Variants in TRDN observed in about 807,000 individuals in gnomAD.
The protein encoded by TRDN is triadin in skeletal muscle.
Under a neutral mutation model 149.7 loss-of-function variants are expected in TRDN, and 161 were observed. That is an observed-to-expected ratio of 1.08 (90% CI 0.95 to 1.23). The LOEUF (loss-of-function observed/expected upper bound fraction) is 1.23. Ranked by LOEUF, TRDN falls within the 50% of genes most tolerant of loss-of-function variation. The probability of loss-of-function intolerance (pLI) is 0.00; values close to 1 mark genes in which losing one functional copy is unlikely to be tolerated. For synonymous variants in TRDN, 294 were observed against 250.5 expected (o/e 1.17, Z -1.64); for missense variants, 896 against 823.5 (o/e 1.09, Z -1.08).
Position 123,268,720 on chromosome 6 carries a change from G to A in TRDN, c.1739-969C>T, listed in dbSNP as rs190567141. 7.9e-5 allele frequency among the ~76,000 whole-genome samples: 12 copies of A among 152,036 alleles called. No homozygotes were observed. The East Asian group carries it at 1.4e-3, about 17-fold the overall frequency. On this transcript the variant is annotated intron_variant, in intron 31 of 40. Transcript: ENST00000334268. ...GTGTCATCAGACTAAACAGATATTC[G>A]TACATTAGGAACTGATAGCATTCAA...
intron 24 of TRDN, among the ~76,000 whole-genome samples, chr6:123,307,772 CTTT>C (rs1252961762): frequency 6.6e-6 from 1 of 151,934 alleles, no homozygotes; most frequent in African/African-American, 2.4e-5. Context: ...TCTGGTAACA[CTTT>C]TTTTCTCTTC....
intron 4 of TRDN, among the ~76,000 whole-genome samples, chr6:123,542,566 T>C (rs747748878): frequency 1.8e-4 from 27 of 152,198 alleles, no homozygotes; most frequent in Non-Finnish European, 2.9e-4. Flanking sequence ...TTATTATTCT[T>C]ATATACAGAT....
At chr6:123,427,759 T>A (rs1454315403) in intron 12 of TRDN, among the ~76,000 whole-genome samples, 1 of 152,190 alleles carries the variant, frequency 6.6e-6, no homozygotes, top group Non-Finnish European at 1.5e-5. Context: ...CTCCTGAATA[T>A]AATCTGGTTT....
chr6:123,428,355 C>T (rs1300901865), intron 12 of TRDN, among the ~76,000 whole-genome samples: 8 of 152,164 alleles, frequency 5.3e-5, no homozygotes, highest in Non-Finnish European at 8.8e-5. Flanking sequence ...TACCCGCTTT[C>T]CCAAGTCCCT....
intron 13 of TRDN, among the ~76,000 whole-genome samples, chr6:123,389,183 C>T (rs1056572605): frequency 3.3e-5 from 5 of 152,120 alleles, no homozygotes; most frequent in African/African-American, 1.2e-4. Context: ...TCTGGATCCA[C>T]GTTGTTGCTT....
At chr6:123,472,672 A>C (rs1296825341) in intron 9 of TRDN, among the ~76,000 whole-genome samples, 2 of 152,238 alleles carry the variant, frequency 1.3e-5, no homozygotes. Flanking sequence ...CTGCAGACTT[A>C]AATGTCCCTG....
intron 24 of TRDN, among the ~76,000 whole-genome samples, chr6:123,311,614 A>C (rs1034624920): frequency 2.0e-5 from 3 of 151,980 alleles, no homozygotes; most frequent in Admixed American, 6.6e-5. Flanking sequence ...TTCAGTCTCT[A>C]GATCAGTAGG....
intron 4 of TRDN, among the ~76,000 whole-genome samples, chr6:123,546,928 T>C (rs1353849051): frequency 5.3e-5 from 8 of 151,932 alleles, no homozygotes; most frequent in Non-Finnish European, 8.8e-5. Context: ...AGTCATCACC[T>C]AACATGCAAA....
At chr6:123,558,776 A>G (rs1037073238) in intron 2 of TRDN, among the ~76,000 whole-genome samples, 4 of 152,142 alleles carry the variant, frequency 2.6e-5, no homozygotes, top group African/African-American at 9.6e-5. Context: ...CCAAGTAGCA[A>G]TGTATTTCTG....
chr6:123,464,952 C>A lies in TRDN; in HGVS notation c.885G>T (p.Pro295=), dbSNP rs769189541. 1 of 1,598,552 alleles carries A rather than the reference C, an allele frequency of 6.3e-7. No individual in the cohort carries two copies. The highest frequency in any genetic ancestry group is 1.3e-5 in the African/African-American group (1 of 74,584). ...GAGTGGGTCTGGAAGCTTGTTCTGT[C>A]GGTAAGGGAGGTGGAATGGCTGGGC... The part of the protein sequence containing the change: ...GQSPAIPPPL[P]TEQASRPTPA... The change falls in exon 10 of 41, where the codon CCG becomes CCT. Residue 295 remains proline (P), a synonymous_variant. Transcript: ENST00000334268.
At position 123,301,578 on chromosome 6, in the gene TRDN, C is replaced by T. The variant is rs189761210; in HGVS notation, c.1510+14879G>A. 2.0e-3 allele frequency among the ~76,000 whole-genome samples: 300 copies of T among 151,440 alleles called. 2 individuals are homozygous for T. Among genetic ancestry groups the T allele is most frequent in the Non-Finnish European group, 1.2e-3 (83 of 67,814 alleles). ...ATCCTCTTAATTAATTGATTGATTG[C>T]TCCACCAATATTAGTTATTTTTAAA... On this transcript the variant is annotated intron_variant, in intron 24 of 40. Coordinates refer to ENST00000334268, the MANE Select transcript of TRDN (RefSeq NM_006073.4).
At chr6:123,541,104 C>T (rs1303220454) in intron 4 of TRDN, among the ~76,000 whole-genome samples, 2 of 152,166 alleles carry the variant, frequency 1.3e-5, no homozygotes, top group Admixed American at 6.5e-5. Context: ...GCAGCTTCCC[C>T]CTCACATCCT....
At chr6:123,613,182 T>C (rs1784903149) in intron 1 of TRDN, among the ~76,000 whole-genome samples, 1 of 152,202 alleles carries the variant, frequency 6.6e-6, no homozygotes. Context: ...TCATATTGTG[T>C]GCCAACAGTA....
intron 26 of TRDN, among the ~76,000 whole-genome samples, chr6:123,275,875 T>G (rs1777351722): frequency 6.6e-6 from 1 of 152,164 alleles, no homozygotes; most frequent in Non-Finnish European, 1.5e-5. Context: ...TATCACAGAC[T>G]GGGTAATTTA....
intron 20 of TRDN, among the ~76,000 whole-genome samples, chr6:123,365,886 A>G (rs1179267605): frequency 2.0e-5 from 3 of 152,184 alleles, no homozygotes; most frequent in African/African-American, 7.2e-5. Flanking sequence ...TTACATTTCT[A>G]TAATTTTTCA....
chr6:123,610,746 TC>T (rs1784767234), intron 1 of TRDN, among the ~76,000 whole-genome samples: 1 of 152,144 alleles, frequency 6.6e-6, no homozygotes. Context: ...GTATGGGGAC[TC>T]TCTGGAAACA....
At chr6:123,580,769 A>T (rs1283795146) in intron 1 of TRDN, among the ~76,000 whole-genome samples, 1 of 152,204 alleles carries the variant, frequency 6.6e-6, no homozygotes, top group Non-Finnish European at 1.5e-5. Context: ...CTCTATGTAA[A>T]TAAAGCCTCA....
chr6:123,225,158 G>T (rs545457152), intron 38 of TRDN, among the ~76,000 whole-genome samples: 1 of 151,612 alleles, frequency 6.6e-6, no homozygotes, highest in Non-Finnish European at 1.5e-5. Flanking sequence ...TAATTATCAT[G>T]AAATGAAATA....
chr6:123,352,513 T>C (rs780066602), intron 21 of TRDN, 26 bp downstream of exon 21: 37 of 1,609,154 alleles, frequency 2.3e-5, no homozygotes, highest in Non-Finnish European at 3.1e-5. Context: ...AAGAAGATAA[T>C]GTCAACCTCC....
Sources: gnomAD v4.1 joint callset for allele counts (sites outside exome capture counted in the v4.1 genomes callset) on GRCh38, gnomAD v4.1.1 for gene constraint, MANE v1.5 for transcripts, NCBI Gene and HGNC (gene_info 2026-07-23, HGNC 2026-07-21) for gene names.